ABCG8: variants seen among roughly 807,000 people sequenced by gnomAD.
ABCG8 encodes the protein ATP-binding cassette sub-family G member 8.
ABCG8 carries 81 observed loss-of-function variants against 71.3 expected under a neutral mutation model. That is an observed-to-expected ratio of 1.14 (90% CI 0.95 to 1.37). The LOEUF (loss-of-function observed/expected upper bound fraction) is 1.37. ABCG8 is among the 40% of genes most tolerant of loss of function. ABCG8 has a pLI of 0.00. For synonymous variants in ABCG8, 451 were observed against 354.7 expected, an observed-to-expected ratio of 1.27 and a Z score of -3.05; for missense variants, 1,119 against 866.2, an observed-to-expected ratio of 1.29 and a Z score of -3.66.
In ABCG8 at chr2:43,844,494, C is replaced by T; in HGVS notation, c.64-13C>T. 1 of 1,609,656 alleles carries T rather than the reference C, an allele frequency of 6.2e-7. No individual in the cohort carries two copies. The highest frequency in any genetic ancestry group is 2.2e-5 in the East Asian group (1 of 44,868). On this transcript the variant is annotated splice_polypyrimidine_tract_variant and intron_variant, in intron 1 of 12. Transcript: ENST00000272286. ...CTTCTAAAGGAGCCCCTCATCTCTC[C>T]TGTCTCCCACAGGGCCTCCAGGATA...
chr2:43,867,529 C>T (rs1164954676), intron 6 of ABCG8, among the ~76,000 whole-genome samples: 1 of 151,606 alleles, frequency 6.6e-6, no homozygotes, highest in Non-Finnish European at 1.5e-5. Flanking sequence ...ATAGAATTGT[C>T]ACCATCTGCA....
chr2:43,844,352 C>G (rs1421774657), intron 1 of ABCG8, among the ~76,000 whole-genome samples, 155 bp from the exon 2 acceptor site: 2 of 152,192 alleles, frequency 1.3e-5, no homozygotes, highest in Non-Finnish European at 2.9e-5. Context: ...TCCCAAAGCC[C>G]TGAGGTTCCA....
chr2:43,877,610 G>A lies in ABCG8; in HGVS notation c.1806G>A (p.Gly602=). Residue 602 remains glycine (G), a synonymous_variant, in exon 12 of 13, where the codon GGG becomes GGA. Coordinates refer to ENST00000272286, the MANE Select transcript of ABCG8 (RefSeq NM_022437.3). ...KVSFLRWCFE[G]LMKIQFSRRT... ...CCTTCCTGCGGTGGTGTTTTGAAGG[G>A]CTGATGAAGATTCAGTTCAGCAGAA... The A allele has an allele frequency of 1.2e-6, 2 of 1,614,104 alleles. No homozygotes were observed. The highest frequency in any genetic ancestry group is 1.7e-6 in the Non-Finnish European group (2 of 1,180,004).
In ABCG8 at chr2:43,839,082, G is replaced by A; in HGVS notation, c.29G>A (p.Gly10Glu). Residue 10 changes from glycine to glutamate, a missense_variant, in exon 1 of 13, where the codon GGG becomes GAG. Gly to Glu is a moderately conservative substitution (Grantham distance 98). Transcript: ENST00000272286. ...GCCGGGAAGGCGGCAGAGGAGAGAG[G>A]GCTGCCGAAAGGGGCCACTCCCCAG... Reference protein sequence around the residue: MAGKAAEERGLPKGATPQDT... With the variant: MAGKAAEERELPKGATPQDT... 6 of 1,551,248 alleles carry A rather than the reference G, an allele frequency of 3.9e-6. No individual in the cohort carries two copies. The highest frequency in any genetic ancestry group is 5.2e-6 in the Non-Finnish European group (6 of 1,146,816).
intron 8 of ABCG8, 83 bp from the exon 9 acceptor site, chr2:43,873,704 G>A: frequency 7.1e-7 from 1 of 1,417,126 alleles, no homozygotes; most frequent in Non-Finnish European, 1.0e-6. Flanking sequence ...AGAAAAATGA[G>A]GCTTATGGAG....
rs1670074792 is a variant in ABCG8, at chr2:43,879,714, C to T, written c.*1801C>T. 6.6e-6 allele frequency: 1 copy of T among 152,142 alleles called. No homozygotes were observed. Among genetic ancestry groups the T allele is most frequent in the Non-Finnish European group, 1.5e-5 (1 of 68,020 alleles). 9.4% of individuals were successfully genotyped at this position (152,142 alleles called of 1,614,324 possible). On this transcript the variant is annotated 3_prime_UTR_variant, in exon 13 of 13. Coordinates refer to ENST00000272286, the MANE Select transcript of ABCG8 (RefSeq NM_022437.3). ...TTTCAGTTTAGGAACAGTTTGTCAACTTTCCTTCACTTTTGTGACCTTGAT... is the reference window on the plus strand; with the variant it reads ...TTTCAGTTTAGGAACAGTTTGTCAATTTTCCTTCACTTTTGTGACCTTGAT...
intron 3 of ABCG8, chr2:43,848,505 G>A (rs892101345): frequency 2.6e-5 from 4 of 152,222 alleles, no homozygotes; most frequent in Admixed American, 2.6e-4. Context: ...GTTGCAGTTT[G>A]TTTACATACT....
intron 6 of ABCG8, among the ~76,000 whole-genome samples, chr2:43,866,046 C>T (rs1669522697): frequency 6.6e-6 from 1 of 151,480 alleles, no homozygotes; most frequent in Non-Finnish European, 1.5e-5. Context: ...CGCCGCATAT[C>T]TACAACTATC....
intron 6 of ABCG8, among the ~76,000 whole-genome samples, chr2:43,861,320 C>T (rs1669309145): frequency 6.6e-6 from 1 of 151,210 alleles, no homozygotes; most frequent in Non-Finnish European, 1.5e-5. Flanking sequence ...GTAGAATTCT[C>T]ACTATCTATC....
At chr2:43,864,190 C>G (rs1381481062) in intron 6 of ABCG8, among the ~76,000 whole-genome samples, 2 of 151,576 alleles carry the variant, frequency 1.3e-5, no homozygotes, top group African/African-American at 2.4e-5. Context: ...CTCTCACTCT[C>G]TCTATATATA....
At chr2:43,849,923 G>T (rs2104916955) in intron 3 of ABCG8, among the ~76,000 whole-genome samples, 2 of 152,280 alleles carry the variant, frequency 1.3e-5, no homozygotes, top group Middle Eastern at 6.8e-3. Flanking sequence ...TCTGGGGCCG[G>T]GCACGGTGGC....
In ABCG8 at chr2:43,877,865, C is replaced by G. The variant is rs137852989; in HGVS notation, c.1974C>G (p.Tyr658Ter). 2.3e-5 allele frequency: 37 copies of G among 1,614,078 alleles called. No individual in the cohort carries two copies. The highest frequency in any genetic ancestry group is 1.8e-4 in the Admixed American group (11 of 60,012). ...IGLSGGFMVL[Y>*]YVSLRFIKQK... The stretch of plus-strand genomic sequence containing the variant: ...TCAGCGGTGGCTTCATGGTCCTGTA[C>G]TACGTGTCCTTAAGGTTCATCAAAC... The change falls in exon 13 of 13, where the codon TAC (tyrosine) becomes TAG (stop). Residue 658 changes from tyrosine to a stop codon, truncating the protein, a stop_gained. Coordinates refer to ENST00000272286, the MANE Select transcript of ABCG8 (RefSeq NM_022437.3). LOFTEE classifies it high-confidence loss of function.
At chr2:43,859,415 C>T (rs1669225768) in intron 6 of ABCG8, among the ~76,000 whole-genome samples, 1 of 151,440 alleles carries the variant, frequency 6.6e-6, no homozygotes, top group Admixed American at 6.6e-5. Flanking sequence ...ATAGAATTCT[C>T]ACTCTGCATA....
At chr2:43,866,239 G>A (rs370160062) in intron 6 of ABCG8, among the ~76,000 whole-genome samples, 5,551 of 147,914 alleles carry the variant, frequency 0.038, 134 homozygotes, top group Middle Eastern at 0.1. Flanking sequence ...AACCATAAAA[G>A]CCCTAGAAGA....
chr2:43,854,690 C>G (rs1669041908), intron 6 of ABCG8, among the ~76,000 whole-genome samples: 1 of 150,342 alleles, frequency 6.7e-6, no homozygotes, highest in Non-Finnish European at 1.5e-5. Flanking sequence ...TGGGGAACCT[C>G]TAGCCAAGCC....
intron 6 of ABCG8, 27 bp from the exon 7 acceptor site, chr2:43,871,949 C>CTGTG (rs756901097): frequency 6.2e-7 from 1 of 1,613,830 alleles, no homozygotes; most frequent in East Asian, 2.2e-5. Context: ...AACAGGCCAC[C>CTGTG]TGTGACTCCA....
intron 6 of ABCG8, among the ~76,000 whole-genome samples, chr2:43,865,993 A>G (rs890929136): frequency 1.3e-5 from 2 of 152,186 alleles, no homozygotes; most frequent in African/African-American, 4.8e-5. Context: ...GTACCAAAAC[A>G]GAAATATAGA....
At chr2:43,868,778 A>G (rs769054424) in intron 6 of ABCG8, among the ~76,000 whole-genome samples, 46 of 151,392 alleles carry the variant, frequency 3.0e-4, no homozygotes, top group Non-Finnish European at 5.2e-4. Context: ...CTGACAATGT[A>G]TCTGGATAGA....
At chr2:43,846,379 T>C in intron 3 of ABCG8, 68 bp downstream of exon 3, 5 of 1,604,440 alleles carry the variant, frequency 3.1e-6, no homozygotes, top group Non-Finnish European at 3.4e-6. Flanking sequence ...TTTGGACAAA[T>C]GGATGCTTCT....
Sources: gnomAD v4.1 joint callset for allele counts (sites outside exome capture counted in the v4.1 genomes callset) on GRCh38, gnomAD v4.1.1 for gene constraint, MANE v1.5 for transcripts, NCBI Gene and HGNC (gene_info 2026-07-23, HGNC 2026-07-21) for gene names.